The following TBC1D22A variants were observed in gnomAD, a reference collection of about 807,000 sequenced individuals.
TBC1D22A encodes the protein putative GTPase activator.
A neutral mutation model predicts 60.2 loss-of-function variants in TBC1D22A; 38 were observed. The ratio of observed to expected loss-of-function variants is 0.63; its 90% CI spans 0.49 to 0.83. The LOEUF (loss-of-function observed/expected upper bound fraction) is 0.83, where lower values mean the gene tolerates loss of function less well. Among genes scored for constraint, TBC1D22A ranks in the 40% least tolerant of loss-of-function variants. The pLI, the probability that TBC1D22A is intolerant of heterozygous loss-of-function variation, is 0.00. For missense variants in TBC1D22A, 628 were observed against 701.0 expected, an observed-to-expected ratio of 0.90 and a Z score of 1.18; for synonymous variants, 302 against 281.7, an observed-to-expected ratio of 1.07 and a Z score of -0.72.
At chr22:46,876,312 G>A (rs1210769528) in intron 4 of TBC1D22A, among the ~76,000 whole-genome samples, 2 of 152,130 alleles carry the variant, frequency 1.3e-5, no homozygotes, top group Admixed American at 6.5e-5. Flanking sequence ...CGCACAAAAA[G>A]ACAGACATTC....
intron 4 of TBC1D22A, among the ~76,000 whole-genome samples, chr22:46,858,463 C>CG (rs975390725): frequency 6.6e-6 from 1 of 151,864 alleles, no homozygotes; most frequent in African/African-American, 2.4e-5. Context: ...TGGCAAACAC[C>CG]CCCCCCAGCT....
intron 11 of TBC1D22A, among the ~76,000 whole-genome samples, chr22:47,046,319 G>A (rs1376466945): frequency 6.6e-6 from 1 of 152,172 alleles, no homozygotes; most frequent in Non-Finnish European, 1.5e-5. Flanking sequence ...CTTTGCCCTC[G>A]TGGGGGCATC....
intron 4 of TBC1D22A, among the ~76,000 whole-genome samples, chr22:46,853,920 G>T (rs1011827445): frequency 2.4e-4 from 37 of 152,154 alleles, no homozygotes; most frequent in Non-Finnish European, 7.3e-5. Flanking sequence ...CAGCCATGCC[G>T]CATGACCTCA....
intron 12 of TBC1D22A, among the ~76,000 whole-genome samples, chr22:47,114,169 A>G (rs978643133): frequency 6.6e-6 from 1 of 152,056 alleles, no homozygotes; most frequent in African/African-American, 2.4e-5. Context: ...ATGTTTGGCC[A>G]GCCTTCTCTG....
intron 3 of TBC1D22A, among the ~76,000 whole-genome samples, chr22:46,794,931 GGA>G (rs1300641004): frequency 1.3e-5 from 2 of 152,170 alleles, no homozygotes; most frequent in South Asian, 2.1e-4. Flanking sequence ...CTGAGAAGAT[GGA>G]GATTGTTAGG....
chr22:47,068,461 G>T (rs1008137646), intron 11 of TBC1D22A, among the ~76,000 whole-genome samples: 1 of 152,234 alleles, frequency 6.6e-6, no homozygotes, highest in Non-Finnish European at 1.5e-5. Flanking sequence ...TTCTGGTGGG[G>T]ACTTTGATGT....
intron 11 of TBC1D22A, among the ~76,000 whole-genome samples, chr22:47,079,302 G>A (rs1453724935): frequency 6.6e-6 from 1 of 152,066 alleles, no homozygotes; most frequent in African/African-American, 2.4e-5. Flanking sequence ...GGCCAGGCTG[G>A]TGTTGAACTC....
chr22:47,136,678 G>C (rs531131868), intron 12 of TBC1D22A, among the ~76,000 whole-genome samples: 19 of 151,142 alleles, frequency 1.3e-4, no homozygotes, highest in African/African-American at 4.6e-4. Context: ...TAGGGATTCT[G>C]AGTGGCCTTT....
intron 4 of TBC1D22A, among the ~76,000 whole-genome samples, chr22:46,825,347 A>G (rs904413421): frequency 1.3e-5 from 2 of 152,114 alleles, no homozygotes; most frequent in African/African-American, 4.8e-5. Flanking sequence ...CCTCACCAGC[A>G]CAGGGGACCC....
intron 10 of TBC1D22A, among the ~76,000 whole-genome samples, chr22:47,025,904 A>T (rs892586800): frequency 6.6e-6 from 1 of 152,138 alleles, no homozygotes; most frequent in African/African-American, 2.4e-5. Context: ...TATAGTGCTG[A>T]GTGTGTGAGA....
At chr22:46,820,333 C>T (rs547495353) in intron 4 of TBC1D22A, among the ~76,000 whole-genome samples, 38 of 152,194 alleles carry the variant, frequency 2.5e-4, no homozygotes, top group Middle Eastern at 3.4e-3. Context: ...GTTAGGGCGT[C>T]GATTTGAGAT....
At chr22:47,134,028 G>T (rs988986895) in intron 12 of TBC1D22A, among the ~76,000 whole-genome samples, 8 of 152,156 alleles carry the variant, frequency 5.3e-5, no homozygotes, top group African/African-American at 1.9e-4. Context: ...ATTCCAGAAG[G>T]TGCCCTGCCC....
chr22:47,104,477 C>T (rs1251092608), intron 11 of TBC1D22A, among the ~76,000 whole-genome samples: 2 of 115,638 alleles, frequency 1.7e-5, no homozygotes, highest in Non-Finnish European at 3.4e-5. Context: ...AGTGGATCAC[C>T]TGAGGTCAGG....
chr22:47,173,009 T>C (rs540013316), intron 12 of TBC1D22A, among the ~76,000 whole-genome samples: 1 of 152,190 alleles, frequency 6.6e-6, no homozygotes, highest in Non-Finnish European at 1.5e-5. Context: ...GTTCCAGGGG[T>C]GCTGCGGTAC....
intron 2 of TBC1D22A, 32 bp from the exon 3 acceptor site, chr22:46,793,469 A>G (rs1390198095): frequency 1.2e-6 from 2 of 1,610,462 alleles, no homozygotes; most frequent in East Asian, 2.2e-5. Flanking sequence ...GCCTTCGAGC[A>G]TGTACGAGTA....
intron 4 of TBC1D22A, among the ~76,000 whole-genome samples, chr22:46,804,577 G>A (rs997028875): frequency 6.6e-6 from 1 of 152,232 alleles, no homozygotes; most frequent in African/African-American, 2.4e-5. Flanking sequence ...CACTTTCACA[G>A]CATTGCCGGC....
intron 12 of TBC1D22A, among the ~76,000 whole-genome samples, chr22:47,118,182 G>A (rs1374228642): frequency 4.6e-5 from 7 of 152,074 alleles, no homozygotes; most frequent in Non-Finnish European, 1.5e-5. Flanking sequence ...AAAAGGAGTG[G>A]TTTGGGAGTT....
At chr22:47,010,158 G>A (rs1276294329) in intron 10 of TBC1D22A, among the ~76,000 whole-genome samples, 6 of 152,158 alleles carry the variant, frequency 3.9e-5, no homozygotes, top group East Asian at 1.9e-4. Flanking sequence ...TGACTACCTC[G>A]TAAGGTTAAA....
chr22:47,039,620 A>G (rs1231512406), intron 11 of TBC1D22A, among the ~76,000 whole-genome samples: 1 of 150,442 alleles, frequency 6.6e-6, no homozygotes, highest in African/African-American at 2.4e-5. Flanking sequence ...AGAGGAGCCA[A>G]TGATGCAGAG....
Sources: gnomAD v4.1 joint callset for allele counts (sites outside exome capture counted in the v4.1 genomes callset) on GRCh38, gnomAD v4.1.1 for gene constraint, MANE v1.5 for transcripts, NCBI Gene and HGNC (gene_info 2026-07-23, HGNC 2026-07-21) for gene names.